The following NUP93 variants were observed in gnomAD, a reference collection of about 807,000 sequenced individuals.
The protein encoded by NUP93 is nucleoporin 93, also known as nuclear pore complex protein Nup93.
In NUP93, 55 loss-of-function variants were observed where a neutral mutation model predicts 107.8. The observed-to-expected ratio is 0.51, with a 90% CI of 0.41 to 0.64. The LOEUF (loss-of-function observed/expected upper bound fraction) is 0.64, where lower values mean the gene tolerates loss of function less well. Among genes scored for constraint, NUP93 ranks in the 30% least tolerant of loss-of-function variants. The pLI, the probability that NUP93 is intolerant of heterozygous loss-of-function variation, is 0.00. For synonymous variants in NUP93, 390 were observed against 397.5 expected (o/e 0.98, Z 0.22); for missense variants, 937 against 1,044.7 (o/e 0.90, Z 1.42).
intron 10 of NUP93, chr16:56,831,619 G>C (rs1351171785): frequency 8.4e-6 from 4 of 477,512 alleles, no homozygotes; most frequent in African/African-American, 5.9e-5. Flanking sequence ...GAAGGCCTCA[G>C]CAAATAGAAA....
intron 1 of NUP93, chr16:56,741,653 A>G (rs983973979): frequency 1.3e-5 from 2 of 152,218 alleles, no homozygotes; most frequent in Non-Finnish European, 2.9e-5. Context: ...AAGGAAGATC[A>G]TTGTCAGTTG....
chr16:56,775,563 C>T (rs1209457470), intron 3 of NUP93, among the ~76,000 whole-genome samples: 1 of 152,140 alleles, frequency 6.6e-6, no homozygotes, highest in Non-Finnish European at 1.5e-5. Flanking sequence ...GTTTTGGTCT[C>T]CTCAGTAGTT....
intron 3 of NUP93, 42 bp downstream of exon 3, chr16:56,758,697 C>A (rs1321220326): frequency 2.1e-6 from 3 of 1,416,302 alleles, no homozygotes; most frequent in South Asian, 2.3e-5. Context: ...AGCATATAAC[C>A]CAGGCTGAAG....
rs182478467 is a variant in NUP93 at position 56,808,156 on chromosome 16, T to A, written c.489+2524T>A. On this transcript the variant is annotated intron_variant, in intron 5 of 21. Coordinates refer to ENST00000308159, the MANE Select transcript of NUP93 (RefSeq NM_014669.5). ...AATATATTTATATAACTATATATAA[T>A]ATATAGTTATATAACTATATAAAAT... is the stretch of plus-strand genomic sequence containing the variant. Among the ~76,000 whole-genome samples the A allele has an allele frequency of 4.8e-5, 5 of 104,300 alleles. 2 individuals are homozygous for A. The highest frequency in any genetic ancestry group is 1.6e-4 in the African/African-American group (4 of 25,754). 68.4% of individuals were successfully genotyped at this position (104,300 alleles called of 152,430 possible). A position where few individuals can be genotyped will look rare whatever the true frequency, so the allele number is the denominator to read the frequency against.
At chr16:56,746,905 T>C (rs758117674) in intron 1 of NUP93, among the ~76,000 whole-genome samples, 1 of 151,874 alleles carries the variant, frequency 6.6e-6, no homozygotes, top group Non-Finnish European at 1.5e-5. Context: ...CGAGACTCTG[T>C]CTCCCAAAAG....
At chr16:56,743,764 A>G (rs1363482201) in intron 1 of NUP93, among the ~76,000 whole-genome samples, 6 of 152,082 alleles carry the variant, frequency 3.9e-5, no homozygotes, top group Admixed American at 2.6e-4. Context: ...CCTTCCTCCC[A>G]CAAGTGTAAC....
At position 56,836,561 on chromosome 16, in the gene NUP93, C is replaced by T. The variant is rs1164047906; in HGVS notation, c.1783-40C>T. On this transcript the variant is annotated intron_variant, in intron 16 of 21. Coordinates refer to ENST00000308159, the MANE Select transcript of NUP93 (RefSeq NM_014669.5). ...GTTTAAAATAATAGCTCTGTGCACC[C>T]GTCTCTCTCTTCCTCCCCCTCCATA... 17 of 1,191,710 alleles carry T rather than the reference C, an allele frequency of 1.4e-5. 1 individual carries two copies. Among genetic ancestry groups the T allele is most frequent in the Admixed American group, 7.0e-5 (4 of 57,222 alleles). The allele number at this position is 1,191,710 out of a possible 1,614,324, so 73.8% of individuals were successfully genotyped here. A position where few individuals can be genotyped will look rare whatever the true frequency, so the allele number is the denominator to read the frequency against.
In NUP93 at chr16:56,833,345, A is replaced by T. The variant is rs142826592; in HGVS notation, c.1476A>T (p.Val492=). Residue 492 remains valine (V), a synonymous_variant, in exon 13 of 22, where the codon GTA becomes GTT. Coordinates refer to ENST00000308159, the MANE Select transcript of NUP93 (RefSeq NM_014669.5). ...MERLRCHAVH[V]ALVLFELKLL... ...GGCTGCGCTGCCATGCTGTCCATGT[A>T]GCACTGGTGCTGTTTGAGCTGAAGC... The T allele has an allele frequency of 1.9e-6, 3 of 1,598,666 alleles. No homozygotes were observed. Among genetic ancestry groups the T allele is most frequent in the Non-Finnish European group, 1.7e-6 (2 of 1,174,578 alleles).
At chr16:56,812,833 C>A (rs564527109) in intron 5 of NUP93, among the ~76,000 whole-genome samples, 23 of 152,096 alleles carry the variant, frequency 1.5e-4, no homozygotes, top group South Asian at 1.2e-3. Flanking sequence ...AAAATGAGAC[C>A]CCTGGCTACG....
In NUP93 at chr16:56,839,539, C is replaced by G. The variant is rs1963980188; in HGVS notation, c.2155C>G (p.Leu719Val). 2 of 1,612,710 alleles carry G rather than the reference C, an allele frequency of 1.2e-6. No homozygotes were observed. Among genetic ancestry groups the G allele is most frequent in the Non-Finnish European group, 1.7e-6 (2 of 1,179,588 alleles). The change falls in exon 20 of 22, where the codon CTG (leucine) becomes GTG (valine). Residue 719 changes from leucine to valine, a missense_variant. Physicochemically the swap from Leu to Val is conservative, Grantham distance 32. Transcript: ENST00000308159. ...TAAACAGATCATTGAGCGCTTGAAGCTGGTGCCCCTGAATCAGGAAAGTGT... is the reference window on the plus strand; with the variant it reads ...TAAACAGATCATTGAGCGCTTGAAGGTGGTGCCCCTGAATCAGGAAAGTGT... ...RAFDIIERLK[L>V]VPLNQESVEE... is the part of the protein sequence containing the mutation.
chr16:56,773,302 C>T (rs1477085209), intron 3 of NUP93, among the ~76,000 whole-genome samples: 1 of 152,190 alleles, frequency 6.6e-6, no homozygotes, highest in African/African-American at 2.4e-5. Flanking sequence ...ATATGCTTTT[C>T]ACTATTTGTT....
At chr16:56,765,195 T>G (rs1962195626) in intron 3 of NUP93, among the ~76,000 whole-genome samples, 1 of 152,258 alleles carries the variant, frequency 6.6e-6, no homozygotes, top group South Asian at 2.1e-4. Context: ...AAGACTTTGC[T>G]GTCTAAATAT....
At chr16:56,755,212 C>A (rs1961996757) in intron 2 of NUP93, among the ~76,000 whole-genome samples, 1 of 152,106 alleles carries the variant, frequency 6.6e-6, no homozygotes, top group African/African-American at 2.4e-5. Context: ...TGGAAATAAT[C>A]CAAATGCCCA....
chr16:56,801,339 A>C (rs1318911665), intron 4 of NUP93, among the ~76,000 whole-genome samples: 2 of 152,230 alleles, frequency 1.3e-5, no homozygotes, highest in Non-Finnish European at 2.9e-5. Flanking sequence ...CACAGATTGA[A>C]TGTTCCATTA....
chr16:56,786,823 G>C (rs1313045727), intron 3 of NUP93, among the ~76,000 whole-genome samples: 1 of 152,184 alleles, frequency 6.6e-6, no homozygotes, highest in South Asian at 2.1e-4. Flanking sequence ...GGGTCCTGCA[G>C]GGCAGAGTCT....
intron 3 of NUP93, among the ~76,000 whole-genome samples, chr16:56,781,378 T>C (rs1191404039): frequency 1.3e-5 from 2 of 152,222 alleles, no homozygotes; most frequent in Admixed American, 6.5e-5. Flanking sequence ...CTGTTCTGCT[T>C]GAAGGACAGT....
chr16:56,803,952 A>AT (rs1963077689), intron 4 of NUP93, among the ~76,000 whole-genome samples: 1 of 152,014 alleles, frequency 6.6e-6, no homozygotes, highest in Non-Finnish European at 1.5e-5. Context: ...GGGTTTTGCC[A>AT]TGTTGACCAG....
intron 2 of NUP93, among the ~76,000 whole-genome samples, chr16:56,755,502 G>A (rs1962002420): frequency 6.6e-6 from 1 of 152,136 alleles, no homozygotes; most frequent in Non-Finnish European, 1.5e-5. Context: ...CTATTGGTCA[G>A]GGGTTGCTTT....
At chr16:56,844,442 T>C in intron 21 of NUP93, 57 bp from the exon 22 acceptor site, 1 of 1,041,150 alleles carries the variant, frequency 9.6e-7, no homozygotes, top group South Asian at 2.4e-5. Flanking sequence ...GAATATGGAA[T>C]AGTGCCCTGA....
Sources: allele counts gnomAD v4.1 joint callset (sites outside exome capture counted in the v4.1 genomes callset), GRCh38; gene constraint gnomAD v4.1.1; transcripts MANE v1.5; gene names NCBI Gene and HGNC (gene_info 2026-07-23, HGNC 2026-07-21).